Variants in PTPRD observed in about 807,000 individuals in gnomAD.
PTPRD encodes receptor-type tyrosine-protein phosphatase delta.
PTPRD carries 34 observed loss-of-function variants against 214.5 expected under a neutral mutation model. The ratio of observed to expected loss-of-function variants is 0.16; its 90% CI spans 0.12 to 0.21. The LOEUF is 0.21. PTPRD is among the 10% of genes least tolerant of loss of function. The probability of loss-of-function intolerance (pLI) is 1.00; values close to 1 mark genes in which losing one functional copy is unlikely to be tolerated. For synonymous variants in PTPRD, 1,128 were observed against 845.7 expected (o/e 1.33, Z -5.79); for missense variants, 2,545 against 2,398.7 (o/e 1.06, Z -1.27).
intron 9 of PTPRD, among the ~76,000 whole-genome samples, chr9:9,235,653 G>C (rs1264578558): frequency 6.6e-6 from 1 of 152,088 alleles, no homozygotes; most frequent in Non-Finnish European, 1.5e-5. Flanking sequence ...GAACATACTG[G>C]TGTTATTCTC....
intron 8 of PTPRD, among the ~76,000 whole-genome samples, chr9:9,482,155 C>A (rs1044454079): frequency 1.3e-5 from 2 of 151,668 alleles, no homozygotes; most frequent in African/African-American, 4.8e-5. Flanking sequence ...AGAGTAAGAT[C>A]TTTTGGGGAG....
intron 9 of PTPRD, among the ~76,000 whole-genome samples, chr9:9,299,909 T>G (rs1954614394): frequency 6.6e-6 from 1 of 150,624 alleles, no homozygotes; most frequent in Non-Finnish European, 1.5e-5. Context: ...ATTTATACAT[T>G]TTTTACTCTA....
chr9:9,708,567 A>T lies in PTPRD; in HGVS notation c.-287+25966T>A, dbSNP rs573907881. On this transcript the variant is annotated intron_variant, in intron 7 of 45. Transcript: ENST00000381196. ...GTCATTGAGTGTGAATTTTACTAAC[A>T]TAACTCTCAGAGGACAACCCGATTT... is the stretch of plus-strand genomic sequence containing the variant. Among the ~76,000 whole-genome samples, 20 of 152,166 alleles carry T rather than the reference A, an allele frequency of 1.3e-4. 1 individual carries two copies. Among genetic ancestry groups the T allele is most frequent in the Non-Finnish European group, 2.5e-4 (17 of 67,932 alleles).
chr9:10,032,043 T>C (rs929136523), intron 4 of PTPRD, among the ~76,000 whole-genome samples: 2 of 152,142 alleles, frequency 1.3e-5, no homozygotes, highest in African/African-American at 2.4e-5. Flanking sequence ...ACCTGCCTAG[T>C]TTTGGAGTTG....
chr9:8,909,505 T>A (rs928890951), intron 11 of PTPRD, among the ~76,000 whole-genome samples: 1 of 152,136 alleles, frequency 6.6e-6, no homozygotes, highest in Non-Finnish European at 1.5e-5. Context: ...AGCCATATGA[T>A]CATTTCAATA....
chr9:10,364,061 G>T (rs34559835), intron 2 of PTPRD, among the ~76,000 whole-genome samples: 2 of 137,138 alleles, frequency 1.5e-5, no homozygotes, highest in Non-Finnish European at 3.0e-5. Context: ...GTGCAGTGAC[G>T]TGATCTCGGC....
chr9:8,685,796 T>G (rs1287639856), intron 12 of PTPRD, among the ~76,000 whole-genome samples: 1 of 152,216 alleles, frequency 6.6e-6, no homozygotes, highest in Non-Finnish European at 1.5e-5. Context: ...CTGAAATCTT[T>G]CCCAAAGCAG....
intron 3 of PTPRD, among the ~76,000 whole-genome samples, chr9:10,128,399 T>C (rs1471072135): frequency 2.0e-5 from 3 of 152,026 alleles, no homozygotes; most frequent in Admixed American, 1.3e-4. Context: ...GAGCACACCA[T>C]TGAAGATCAA....
chr9:10,570,098 A>AT (rs1326808120), intron 2 of PTPRD, among the ~76,000 whole-genome samples: 1 of 152,164 alleles, frequency 6.6e-6, no homozygotes, highest in Non-Finnish European at 1.5e-5. Flanking sequence ...TTTCTAAAAA[A>AT]TAAAAAAAAG....
chr9:10,215,007 C>A (rs1265815195), intron 3 of PTPRD, among the ~76,000 whole-genome samples: 1 of 152,026 alleles, frequency 6.6e-6, no homozygotes, highest in East Asian at 1.9e-4. Flanking sequence ...CAGGTGGAAT[C>A]TTACATTGGA....
At chr9:9,222,259 C>G (rs946545106) in intron 9 of PTPRD, among the ~76,000 whole-genome samples, 1 of 151,940 alleles carries the variant, frequency 6.6e-6, no homozygotes, top group African/African-American at 2.4e-5. Context: ...CAAACAACTT[C>G]CAGGCCTTAA....
chr9:8,711,867 C>T (rs980810925), intron 12 of PTPRD, among the ~76,000 whole-genome samples: 6 of 152,166 alleles, frequency 3.9e-5, no homozygotes, highest in Non-Finnish European at 7.3e-5. Flanking sequence ...GGATATAATG[C>T]TACGCAAGCA....
chr9:9,099,730 T>A (rs1424863148), intron 10 of PTPRD, among the ~76,000 whole-genome samples: 2 of 152,212 alleles, frequency 1.3e-5, no homozygotes, highest in African/African-American at 2.4e-5. Context: ...GAAGTGAGGA[T>A]TACTTTTTTA....
chr9:10,412,109 C>T (rs1297430960), intron 2 of PTPRD, among the ~76,000 whole-genome samples: 3 of 151,558 alleles, frequency 2.0e-5, no homozygotes, highest in Non-Finnish European at 4.4e-5. Context: ...TTAGAAACAG[C>T]CTGAGGGAAG....
intron 9 of PTPRD, among the ~76,000 whole-genome samples, chr9:9,354,776 T>G (rs2053056089): frequency 6.6e-6 from 1 of 151,704 alleles, no homozygotes; most frequent in South Asian, 2.1e-4. Context: ...GTACCATGGG[T>G]GCTTCTCATT....
rs1340769286 is a variant in PTPRD at position 8,451,986 on chromosome 9, A to G, written c.3876-2149T>C. ...TGGAGGGTAGAAAAGAAAACTCTCT[A>G]AAGTAATTTAGCCCATTTCTCTGGT... is the stretch of plus-strand genomic sequence containing the variant. On this transcript the variant is annotated intron_variant, in intron 33 of 45. Transcript: ENST00000381196. 1.3e-5 allele frequency: 5 copies of G among 377,818 alleles called. No homozygotes were observed. In the East Asian group the frequency reaches 2.4e-4, roughly 18 times the overall value. The allele number at this position is 377,818 out of a possible 1,614,324, so 23.4% of individuals were successfully genotyped here.
intron 9 of PTPRD, among the ~76,000 whole-genome samples, chr9:9,239,213 C>T (rs914791510): frequency 1.3e-5 from 2 of 149,246 alleles, no homozygotes; most frequent in African/African-American, 4.9e-5. Context: ...AAAAAAAAAC[C>T]ACAAGTATTC....
chr9:10,469,934 T>C (rs1193176939), intron 2 of PTPRD, among the ~76,000 whole-genome samples: 2 of 150,360 alleles, frequency 1.3e-5, no homozygotes, highest in Non-Finnish European at 2.9e-5. Context: ...CTCACTCATA[T>C]GTGAGAGCTG....
intron 12 of PTPRD, among the ~76,000 whole-genome samples, chr9:8,654,118 G>T (rs1016419644): frequency 3.9e-5 from 6 of 152,130 alleles, no homozygotes; most frequent in African/African-American, 1.4e-4. Flanking sequence ...TACCAGTTGT[G>T]ACAATCTAAC....
Sources: gnomAD v4.1 joint callset for allele counts (sites outside exome capture counted in the v4.1 genomes callset) on GRCh38, gnomAD v4.1.1 for gene constraint, MANE v1.5 for transcripts, NCBI Gene and HGNC (gene_info 2026-07-23, HGNC 2026-07-21) for gene names.